The following STYXL1 variants were observed in gnomAD, a reference collection of about 807,000 sequenced individuals.
STYXL1 encodes the protein serine/threonine/tyrosine interacting like 1.
Under a neutral mutation model 36.4 loss-of-function variants are expected in STYXL1, and 32 were observed. That is an observed-to-expected ratio of 0.88 (90% CI 0.66 to 1.18). The LOEUF (loss-of-function observed/expected upper bound fraction) is 1.18. STYXL1 is among the 50% of genes most tolerant of loss of function. The pLI, the probability that STYXL1 is intolerant of heterozygous loss-of-function variation, is 0.00. For missense variants in STYXL1, 354 were observed against 394.1 expected (o/e 0.90, Z 0.86); for synonymous variants, 133 against 144.1 (o/e 0.92, Z 0.55).
intron 8 of STYXL1, 54 bp downstream of exon 8, chr7:76,000,836 A>T: frequency 6.5e-7 from 1 of 1,528,438 alleles, no homozygotes. Flanking sequence ...TTGCGCTCTG[A>T]CCTCACCTCC....
At chr7:76,022,492 C>T (rs1343932789) in intron 3 of STYXL1, among the ~76,000 whole-genome samples, 8 of 104,546 alleles carry the variant, frequency 7.7e-5, no homozygotes, top group Non-Finnish European at 2.0e-4. Flanking sequence ...ATCCCCGACT[C>T]TATGAAAAAA....
At chr7:76,017,198 T>A (rs1206120339) in intron 4 of STYXL1, among the ~76,000 whole-genome samples, 1 of 152,054 alleles carries the variant, frequency 6.6e-6, no homozygotes, top group East Asian at 1.9e-4. Context: ...AATTTTTGTA[T>A]TTTTAGTAGA....
intron 4 of STYXL1, among the ~76,000 whole-genome samples, chr7:76,016,492 TAAAAACACACACAC>T (rs1554574060): frequency 6.6e-6 from 1 of 151,874 alleles, no homozygotes; most frequent in Non-Finnish European, 1.5e-5. Context: ...CGTATATATA[TAAAAACACACACAC>T]ATATATATAT....
intron 2 of STYXL1, 36 bp downstream of exon 2, chr7:76,030,385 G>C (rs200146322): frequency 1.3e-6 from 2 of 1,482,842 alleles, no homozygotes; most frequent in East Asian, 4.5e-5. Context: ...GAAGGACACT[G>C]TGTTTGACCT....
intron 8 of STYXL1, among the ~76,000 whole-genome samples, chr7:75,999,479 G>A (rs1705513992): frequency 8.4e-6 from 1 of 119,286 alleles, no homozygotes; most frequent in South Asian, 2.8e-4. Flanking sequence ...AGTTAAGATG[G>A]TAATTTTTTT....
chr7:76,003,946 G>A lies in STYXL1; in HGVS notation c.600-91C>T, dbSNP rs374181289. 7.1e-5 allele frequency: 81 copies of A among 1,141,436 alleles called. 1 individual carries two copies. The South Asian group carries it at 1.0e-3, about 15-fold the overall frequency. The allele number at this position is 1,141,436 out of a possible 1,614,324, so 70.7% of individuals were successfully genotyped here. A position where few individuals can be genotyped will look rare whatever the true frequency, so the allele number is the denominator to read the frequency against. ...TTTCATCACAGCAGAAGGGCCACAGGGAGGACGCTGAGCTTGTGTAAGGGG... is the reference window on the plus strand; with the variant it reads ...TTTCATCACAGCAGAAGGGCCACAGAGAGGACGCTGAGCTTGTGTAAGGGG... On this transcript the variant is annotated intron_variant, in intron 6 of 8. Transcript: ENST00000359697.
rs201184232 is a variant in STYXL1 at position 76,021,969 on chromosome 7, C to T, written c.189G>A (p.Pro63=). The T allele has an allele frequency of 3.1e-5, 50 of 1,608,462 alleles. 1 individual carries two copies. Among genetic ancestry groups the T allele is most frequent in the South Asian group, 2.9e-4 (26 of 89,788 alleles). Residue 63 remains proline, a synonymous_variant, in exon 4 of 9, where the codon CCG becomes CCA. Transcript: ENST00000359697. Reference sequence around the variant, plus strand: ...TCACACACTCCAGGTCCACAGACTCCGGGAGAAGATATTCATTATTTTTCT... The same window carrying T: ...TCACACACTCCAGGTCCACAGACTCTGGGAGAAGATATTCATTATTTTTCT... ...VKKKNNEYLL[P]ESVDLECVKY...
Position 76,035,035 on chromosome 7 carries a change from C to T in STYXL1, c.-4-4508G>A, listed in dbSNP as rs1398927602. 3.1e-5 allele frequency among the ~76,000 whole-genome samples: 4 copies of T among 130,952 alleles called. No homozygotes were observed. The East Asian group carries it at 7.8e-4, about 26-fold the overall frequency. 85.9% of individuals were successfully genotyped at this position (130,952 alleles called of 152,430 possible). ...GTGCCCACACCTCCAGTACCTGCTC[C>T]TCATTTAGCCTTCTCAGTCTCAATC... On this transcript the variant is annotated intron_variant, in intron 1 of 8. Coordinates refer to ENST00000359697, the MANE Select transcript of STYXL1 (RefSeq NM_001317785.2).
Position 76,013,727 on chromosome 7 carries a change from A to C in STYXL1, c.453+15T>G. 1 of 1,613,826 alleles carries C rather than the reference A, an allele frequency of 6.2e-7. No individual in the cohort carries two copies. Among genetic ancestry groups the C allele is most frequent in the Non-Finnish European group, 8.5e-7 (1 of 1,179,854 alleles). On this transcript the variant is annotated intron_variant, in intron 5 of 8. Coordinates refer to ENST00000359697, the MANE Select transcript of STYXL1 (RefSeq NM_001317785.2). ...TTCCCGTCTGGGCCTGCCTGTGCTC[A>C]GCATTTGGCCCTACCTGAGGCATCC...
intron 1 of STYXL1, among the ~76,000 whole-genome samples, chr7:76,047,236 G>C (rs944427906): frequency 2.3e-4 from 35 of 152,116 alleles, no homozygotes; most frequent in African/African-American, 8.4e-4. Flanking sequence ...ACTCCAGCCT[G>C]GGCTAGAGAG....
intron 1 of STYXL1, among the ~76,000 whole-genome samples, chr7:76,036,782 C>CTTTTTT (rs71082378): frequency 3.0e-5 from 3 of 101,610 alleles, no homozygotes; most frequent in Non-Finnish European, 3.9e-5. Context: ...CAGTATAGCT[C>CTTTTTT]TTTTTTTTTT....
chr7:76,003,087 G>A (rs1791197407), intron 7 of STYXL1, among the ~76,000 whole-genome samples: 1 of 152,052 alleles, frequency 6.6e-6, no homozygotes, highest in Non-Finnish European at 1.5e-5. Context: ...ACTCTCCTCT[G>A]GCAATCTGGA....
chr7:76,023,608 T>TC (rs1198402475), intron 3 of STYXL1, among the ~76,000 whole-genome samples: 1 of 152,058 alleles, frequency 6.6e-6, no homozygotes, highest in Non-Finnish European at 1.5e-5. Context: ...GCACATGTAG[T>TC]CCCAGCTACT....
intron 5 of STYXL1, among the ~76,000 whole-genome samples, chr7:76,009,840 A>C (rs1485884188): frequency 6.6e-6 from 1 of 152,122 alleles, no homozygotes; most frequent in Non-Finnish European, 1.5e-5. Flanking sequence ...TTAAGCCACC[A>C]CAGCTGGCCA....
At chr7:76,004,291 A>G (rs181312903) in intron 6 of STYXL1, among the ~76,000 whole-genome samples, 8 of 152,210 alleles carry the variant, frequency 5.3e-5, no homozygotes, top group African/African-American at 1.7e-4. Flanking sequence ...ATGGGGTTTC[A>G]CCATTTTGGC....
rs145614074 is a variant in STYXL1 at position 75,996,617 on chromosome 7, G to GAA, written c.811-20_811-19dup. ...CAGGACCTCTATGAATACAAAGAGAGAAAGTGAACTTCACGATTGGTCCTG... is the reference window on the plus strand; with the variant it reads ...CAGGACCTCTATGAATACAAAGAGAGAAAAAGTGAACTTCACGATTGGTCCTG... On this transcript the variant is annotated intron_variant, in intron 8 of 8. Coordinates refer to ENST00000359697, the MANE Select transcript of STYXL1 (RefSeq NM_001317785.2). 1.5e-4 allele frequency: 241 copies of GAA among 1,613,108 alleles called. 5 individuals carry two copies. The East Asian group carries it at 5.3e-3, about 35-fold the overall frequency.
chr7:76,034,229 C>T (rs530684871), intron 1 of STYXL1, among the ~76,000 whole-genome samples: 7 of 152,200 alleles, frequency 4.6e-5, no homozygotes, highest in South Asian at 2.1e-4. Flanking sequence ...CAGACTCCTA[C>T]GTAATTGGAA....
chr7:76,030,557 A>C (rs1223765423), intron 1 of STYXL1, 30 bp from the exon 2 acceptor site: 1 of 1,356,852 alleles, frequency 7.4e-7, no homozygotes, highest in Non-Finnish European at 1.1e-6. Context: ...CACAAGGGTA[A>C]CATAACTCTA....
chr7:76,028,853 G>A (rs568291881), intron 2 of STYXL1, 150 bp from the exon 3 acceptor site: 13 of 721,426 alleles, frequency 1.8e-5, no homozygotes, highest in South Asian at 3.3e-5. Flanking sequence ...GGCTGGGCGC[G>A]GTGGCATGCA....
Sources: gnomAD v4.1 joint callset for allele counts (sites outside exome capture counted in the v4.1 genomes callset) on GRCh38, gnomAD v4.1.1 for gene constraint, MANE v1.5 for transcripts, NCBI Gene and HGNC (gene_info 2026-07-23, HGNC 2026-07-21) for gene names.